Variants in CACNA2D3 observed in about 807,000 individuals in gnomAD.
The protein encoded by CACNA2D3 is voltage-dependent calcium channel subunit alpha-2/delta-3.
CACNA2D3 carries 60 observed loss-of-function variants against 160.6 expected under a neutral mutation model. The ratio of observed to expected loss-of-function variants is 0.37; its 90% confidence interval spans 0.30 to 0.46. The LOEUF is 0.46. CACNA2D3 is among the 20% of genes least tolerant of loss of function. The pLI is 1.00. For missense variants in CACNA2D3, 1,205 were observed against 1,365.0 expected, an observed-to-expected ratio of 0.88 and a Z score of 1.85; for synonymous variants, 558 against 492.9, an observed-to-expected ratio of 1.13 and a Z score of -1.75.
intron 31 of CACNA2D3, among the ~76,000 whole-genome samples, chr3:54,994,980 TA>T (rs906317953): frequency 5.3e-5 from 8 of 152,082 alleles, no homozygotes; most frequent in African/African-American, 1.4e-4. Flanking sequence ...TTTATTTATT[TA>T]TTTTTTCTTG....
chr3:54,616,842 T>C (rs1236502392), intron 9 of CACNA2D3, among the ~76,000 whole-genome samples: 3 of 152,152 alleles, frequency 2.0e-5, no homozygotes, highest in Non-Finnish European at 4.4e-5. Context: ...TAAGAGTACC[T>C]ACCTTCTGTC....
rs893010666 is a variant in CACNA2D3, at chr3:55,065,727, G to C, written c.2988-7718G>C. Among the ~76,000 whole-genome samples, 43 of 145,058 alleles carry C rather than the reference G, an allele frequency of 3.0e-4. 1 individual carries two copies. The highest frequency in any genetic ancestry group is 1.0e-3 in the South Asian group (5 of 4,782). On this transcript the variant is annotated intron_variant, in intron 35 of 37. Transcript: ENST00000474759. ...GAGAGGAGAGGTGGGGGGAAGGGAA[G>C]GAAAGGAAGGAAAGGGAAGGAAAGG...
intron 2 of CACNA2D3, among the ~76,000 whole-genome samples, chr3:54,141,081 G>GTGTGTT (rs1553731294): frequency 1.2e-4 from 15 of 122,632 alleles, no homozygotes; most frequent in African/African-American, 5.1e-4. Flanking sequence ...GTGTGTGTGT[G>GTGTGTT]TGTGTGCGCG....
chr3:54,616,740 G>T (rs1157036290), intron 9 of CACNA2D3, among the ~76,000 whole-genome samples: 2 of 152,216 alleles, frequency 1.3e-5, no homozygotes, highest in African/African-American at 4.8e-5. Context: ...GAGACCAAAT[G>T]CTTGGATATA....
At chr3:54,921,870 A>G (rs1249031001) in intron 27 of CACNA2D3, among the ~76,000 whole-genome samples, 2 of 152,236 alleles carry the variant, frequency 1.3e-5, no homozygotes, top group Non-Finnish European at 2.9e-5. Context: ...TATGTCGGTT[A>G]GCCTGCCCTA....
intron 5 of CACNA2D3, among the ~76,000 whole-genome samples, chr3:54,541,133 C>T (rs538520261): frequency 3.8e-4 from 58 of 151,682 alleles, no homozygotes; most frequent in African/African-American, 9.2e-4. Context: ...AAAAATTAGC[C>T]GGGCGTGGTG....
At chr3:54,287,027 C>G (rs1345392205) in intron 2 of CACNA2D3, among the ~76,000 whole-genome samples, 1 of 151,982 alleles carries the variant, frequency 6.6e-6, no homozygotes, top group Non-Finnish European at 1.5e-5. Flanking sequence ...AACTAAAGAG[C>G]AAAATCACCA....
intron 35 of CACNA2D3, among the ~76,000 whole-genome samples, chr3:55,057,519 G>T (rs1704394107): frequency 6.6e-6 from 1 of 152,174 alleles, no homozygotes; most frequent in South Asian, 2.1e-4. Context: ...ACAGCCTGGA[G>T]AAATGTGAGA....
chr3:55,038,868 A>ATATATG (rs1703892971), intron 35 of CACNA2D3, among the ~76,000 whole-genome samples: 8 of 5,378 alleles, frequency 1.5e-3, no homozygotes, highest in Non-Finnish European at 3.2e-3. Context: ...AGGATGCTAT[A>ATATATG]TATATATATA....
chr3:54,276,135 C>T (rs2107456704), intron 2 of CACNA2D3, among the ~76,000 whole-genome samples: 1 of 152,220 alleles, frequency 6.6e-6, no homozygotes, highest in African/African-American at 2.4e-5. Flanking sequence ...CCACTGCACC[C>T]CTGAGCCCTC....
At chr3:54,336,265 G>C (rs950624970) in intron 3 of CACNA2D3, among the ~76,000 whole-genome samples, 1 of 152,210 alleles carries the variant, frequency 6.6e-6, no homozygotes, top group African/African-American at 2.4e-5. Flanking sequence ...AAGTGAAGGT[G>C]AAACAGGCTC....
chr3:54,321,263 T>G (rs1703985036), intron 3 of CACNA2D3, among the ~76,000 whole-genome samples: 1 of 151,406 alleles, frequency 6.6e-6, no homozygotes, highest in African/African-American at 2.4e-5. Flanking sequence ...GAGGTTGCAG[T>G]GAGCCAAGAT....
intron 2 of CACNA2D3, among the ~76,000 whole-genome samples, chr3:54,168,141 T>C (rs1700493941): frequency 6.6e-6 from 1 of 152,178 alleles, no homozygotes; most frequent in Admixed American, 6.5e-5. Context: ...GGCTGTTCTA[T>C]TTGATTCCTT....
At chr3:54,771,654 T>A (rs1339633037) in intron 13 of CACNA2D3, among the ~76,000 whole-genome samples, 1 of 152,196 alleles carries the variant, frequency 6.6e-6, no homozygotes, top group Non-Finnish European at 1.5e-5. Context: ...AAAATACATC[T>A]CTCTGATGCT....
chr3:54,270,728 A>C (rs866626111), intron 2 of CACNA2D3, among the ~76,000 whole-genome samples: 1 of 152,140 alleles, frequency 6.6e-6, no homozygotes, highest in Non-Finnish European at 1.5e-5. Flanking sequence ...TGTTCGTTCA[A>C]GTTGTTGGCT....
chr3:54,477,257 A>G (rs1047870890), intron 4 of CACNA2D3, among the ~76,000 whole-genome samples: 8 of 150,590 alleles, frequency 5.3e-5, no homozygotes, highest in African/African-American at 9.8e-5. Flanking sequence ...TTTTTTTCAG[A>G]TGGGGTAAAT....
rs1391274693 is a variant in CACNA2D3, at chr3:54,288,124, G to C, written c.205-32318G>C. 2.4e-4 allele frequency among the ~76,000 whole-genome samples: 36 copies of C among 152,096 alleles called. No individual in the cohort carries two copies. In the East Asian group the frequency reaches 3.7e-3, roughly 16 times the overall value. ...CCAAAAAACCCTTCAAAAAATTAAT[G>C]AATCCAGGAGCTGGTTTTTTGAAAG... On this transcript the variant is annotated intron_variant, in intron 2 of 37. Coordinates refer to ENST00000474759, the MANE Select transcript of CACNA2D3 (RefSeq NM_018398.3).
At chr3:54,730,778 C>T (rs1023373782) in intron 11 of CACNA2D3, among the ~76,000 whole-genome samples, 3 of 152,146 alleles carry the variant, frequency 2.0e-5, no homozygotes, top group African/African-American at 7.2e-5. Flanking sequence ...GCTGGGATTA[C>T]AGGAGTGAGC....
chr3:54,292,870 G>C (rs1703244138), intron 2 of CACNA2D3, among the ~76,000 whole-genome samples: 2 of 152,124 alleles, frequency 1.3e-5, no homozygotes, highest in South Asian at 4.1e-4. Flanking sequence ...AATAGAGACT[G>C]GCACAACAAT....
Sources: gnomAD v4.1 joint callset for allele counts (sites outside exome capture counted in the v4.1 genomes callset) on GRCh38, gnomAD v4.1.1 for gene constraint, MANE v1.5 for transcripts, NCBI Gene and HGNC (gene_info 2026-07-23, HGNC 2026-07-21) for gene names.